SFI1: variants seen among roughly 807,000 people sequenced by gnomAD.
SFI1 encodes SFI1 centrin binding protein.
Under a neutral mutation model 207.5 loss-of-function variants are expected in SFI1, and 195 were observed. The observed-to-expected ratio is 0.94, with a 90% CI of 0.84 to 1.06. SFI1 has a LOEUF of 1.06. SFI1 is among the 50% of genes least tolerant of loss of function. SFI1 has a pLI of 0.00. For missense variants in SFI1, 1,634 were observed against 1,588.0 expected (o/e 1.03, Z -0.49); for synonymous variants, 630 against 598.9 (o/e 1.05, Z -0.76).
At chr22:31,516,015 T>A (rs1601975907) in intron 2 of SFI1, among the ~76,000 whole-genome samples, 1 of 151,998 alleles carries the variant, frequency 6.6e-6, no homozygotes, top group East Asian at 1.9e-4. Context: ...TACCTTTTTA[T>A]GTGTTTATTG....
chr22:31,501,416 C>T (rs1463081004), intron 1 of SFI1, among the ~76,000 whole-genome samples: 1 of 152,078 alleles, frequency 6.6e-6, no homozygotes, highest in African/African-American at 2.4e-5. Context: ...CATGACCGCC[C>T]ATCTCGGCCT....
intron 15 of SFI1, among the ~76,000 whole-genome samples, chr22:31,600,588 G>C (rs886423881): frequency 9.2e-5 from 14 of 152,152 alleles, no homozygotes; most frequent in Admixed American, 8.5e-4. Flanking sequence ...CTGTTCAGCT[G>C]TCTCCTTTCT....
chr22:31,562,451 A>AAAAAGAAG (rs2061807305), intron 8 of SFI1, among the ~76,000 whole-genome samples: 1 of 151,798 alleles, frequency 6.6e-6, no homozygotes, highest in Admixed American at 6.6e-5. Flanking sequence ...AAAAAAAAAA[A>AAAAAGAAG]AAAAGAAGTA....
intron 20 of SFI1, chr22:31,605,765 T>A (rs2068859776): frequency 6.5e-6 from 1 of 152,796 alleles, no homozygotes; most frequent in South Asian, 2.1e-4. Context: ...GGAGGGTCAC[T>A]TGAACCTTGA....
At chr22:31,589,850 A>G (rs570189187) in intron 15 of SFI1, among the ~76,000 whole-genome samples, 1 of 152,114 alleles carries the variant, frequency 6.6e-6, no homozygotes, top group Admixed American at 6.5e-5. Flanking sequence ...GTTTAATCTG[A>G]ACAGCCAGTG....
At chr22:31,508,998 T>C (rs1233065869) in intron 2 of SFI1, among the ~76,000 whole-genome samples, 1 of 152,232 alleles carries the variant, frequency 6.6e-6, no homozygotes. Flanking sequence ...TCGTGAATGT[T>C]AATGGATTTT....
chr22:31,557,769 A>T (rs2061315569), intron 7 of SFI1, among the ~76,000 whole-genome samples: 1 of 152,186 alleles, frequency 6.6e-6, no homozygotes, highest in Admixed American at 6.6e-5. Context: ...ACAGGTTGTA[A>T]TTGGCAAAAC....
rs1294739294 is a variant in SFI1 at position 31,615,156 on chromosome 22, C to T, written c.3177C>T (p.Pro1059=). 1 of 1,607,350 alleles carries T rather than the reference C, an allele frequency of 6.2e-7. No individual in the cohort carries two copies. Among genetic ancestry groups the T allele is most frequent in the South Asian group, 1.1e-5 (1 of 90,726 alleles). Residue 1059 remains proline (P), a synonymous_variant, in exon 29 of 33, where the codon CCC becomes CCT. Coordinates refer to ENST00000400288, the MANE Select transcript of SFI1 (RefSeq NM_001007467.3). ...EAPTALVPHS[P]LPGALSSAPG... is the part of the protein sequence containing the mutation. The stretch of plus-strand genomic sequence containing the variant: ...CGACAGCACTGGTCCCACACAGCCC[C>T]CTGCCTGGGGCCCTGTCAAGCGCCC...
chr22:31,549,046 G>C (rs1264405811), intron 5 of SFI1, among the ~76,000 whole-genome samples: 1 of 151,840 alleles, frequency 6.6e-6, no homozygotes, highest in African/African-American at 2.4e-5. Context: ...CTAGCACTTT[G>C]GGAGGCCAGG....
chr22:31,555,119 G>T (rs1399056741), intron 6 of SFI1, among the ~76,000 whole-genome samples: 1 of 142,324 alleles, frequency 7.0e-6, no homozygotes, highest in Admixed American at 7.2e-5. Flanking sequence ...TTTACTTGAA[G>T]AATGTACATT....
At chr22:31,603,696 C>T in intron 17 of SFI1, 48 bp from the exon 18 acceptor site, 2 of 1,461,584 alleles carry the variant, frequency 1.4e-6, no homozygotes, top group Non-Finnish European at 1.8e-6. Flanking sequence ...TAGAGGGTGC[C>T]CTCACTGGGT....
At chr22:31,596,638 A>G (rs1045403129) in intron 15 of SFI1, among the ~76,000 whole-genome samples, 1 of 151,924 alleles carries the variant, frequency 6.6e-6, no homozygotes, top group African/African-American at 2.4e-5. Flanking sequence ...TAAAAATACA[A>G]AAATTGGCCA....
chr22:31,550,496 G>A (rs761137861), intron 6 of SFI1, 148 bp downstream of exon 6: 89 of 641,682 alleles, frequency 1.4e-4, no homozygotes, highest in Middle Eastern at 1.0e-3. Flanking sequence ...TTCAGAAAGT[G>A]TGATCTCTGA....
chr22:31,617,274 G>A (rs1471168350), intron 31 of SFI1, among the ~76,000 whole-genome samples, 196 bp downstream of exon 31: 3 of 152,038 alleles, frequency 2.0e-5, no homozygotes, highest in Non-Finnish European at 4.4e-5. Context: ...CTCTCTACCC[G>A]GCTCAGTGCT....
rs766358795 is a variant in SFI1 at position 31,580,383 on chromosome 22, A to G, written c.1248+19A>G. The G allele has an allele frequency of 1.3e-5, 20 of 1,596,728 alleles. No individual in the cohort carries two copies. In the South Asian group the frequency reaches 2.2e-4, roughly 18 times the overall value. ...TGTCACGGTGAGGGTTGTCTTCTGT[A>G]TCAAGGGACCTCTTCTGAAGGCCAT... On this transcript the variant is annotated intron_variant, in intron 12 of 32. Transcript: ENST00000400288.
chr22:31,589,383 C>T, intron 14 of SFI1, 64 bp from the exon 15 acceptor site: 2 of 1,405,580 alleles, frequency 1.4e-6, no homozygotes, highest in Non-Finnish European at 1.9e-6. Context: ...AGGGTGTGAC[C>T]CTGAGAGGTC....
chr22:31,585,230 C>G, intron 14 of SFI1, 96 bp downstream of exon 14: 1 of 1,036,238 alleles, frequency 9.7e-7, no homozygotes, highest in Admixed American at 2.1e-5. Context: ...GCCAAGAAGT[C>G]TTATCGTTCT....
chr22:31,509,456 G>A (rs1036097265), intron 2 of SFI1, among the ~76,000 whole-genome samples: 2 of 152,232 alleles, frequency 1.3e-5, no homozygotes, highest in African/African-American at 4.8e-5. Flanking sequence ...GGAGTCTGAT[G>A]TTCGAGGGCA....
At chr22:31,601,606 G>A (rs2146973058) in intron 15 of SFI1, among the ~76,000 whole-genome samples, 1 of 152,314 alleles carries the variant, frequency 6.6e-6, no homozygotes, top group Non-Finnish European at 1.5e-5. Context: ...GTGCTGTTAA[G>A]TCAATATAGA....
Sources: gnomAD v4.1 joint callset for allele counts (sites outside exome capture counted in the v4.1 genomes callset) on GRCh38, gnomAD v4.1.1 for gene constraint, MANE v1.5 for transcripts, NCBI Gene and HGNC (gene_info 2026-07-23, HGNC 2026-07-21) for gene names.